VRK2: variants seen among roughly 807,000 people sequenced by gnomAD.
VRK2 encodes VRK serine/threonine kinase 2, also known as serine/threonine-protein kinase VRK2.
In VRK2, 60 loss-of-function variants were observed where a neutral mutation model predicts 57.6. The ratio of observed to expected loss-of-function variants is 1.04; its 90% CI spans 0.85 to 1.29. The LOEUF is 1.29. Among genes scored for constraint, VRK2 ranks in the 50% most tolerant of loss-of-function variants. The probability of loss-of-function intolerance (pLI) is 0.00; values close to 1 mark genes in which losing one functional copy is unlikely to be tolerated. For synonymous variants in VRK2, 231 were observed against 199.2 expected (o/e 1.16, Z -1.35); for missense variants, 705 against 588.1 (o/e 1.20, Z -2.06).
intron 1 of VRK2, among the ~76,000 whole-genome samples, chr2:57,955,273 G>T (rs1671546785): frequency 6.6e-6 from 1 of 151,976 alleles, no homozygotes; most frequent in Non-Finnish European, 1.5e-5. Context: ...TATTATAAGA[G>T]GTCTGTATAT....
chr2:57,932,849 C>CT (rs1407984726), intron 1 of VRK2, among the ~76,000 whole-genome samples: 1 of 152,106 alleles, frequency 6.6e-6, no homozygotes, highest in Non-Finnish European at 1.5e-5. Flanking sequence ...CTTAGCACTG[C>CT]TTTTGCTGCA....
intron 8 of VRK2, among the ~76,000 whole-genome samples, chr2:58,128,004 A>G (rs927239631): frequency 3.3e-5 from 5 of 152,182 alleles, no homozygotes; most frequent in Non-Finnish European, 7.3e-5. Context: ...TCGCTAAGAT[A>G]ACTTATCTGT....
intron 3 of VRK2, among the ~76,000 whole-genome samples, chr2:58,036,228 C>T (rs1203374867): frequency 6.6e-6 from 1 of 151,770 alleles, no homozygotes; most frequent in Non-Finnish European, 1.5e-5. Context: ...TATTGTATAT[C>T]CTTTTCCACC....
chr2:58,054,097 G>A (rs1210616471), intron 2 of VRK2, among the ~76,000 whole-genome samples: 2 of 152,042 alleles, frequency 1.3e-5, no homozygotes, highest in African/African-American at 4.8e-5. Flanking sequence ...TAAAGAGATA[G>A]CAGTACCCAG....
At chr2:58,046,108 G>A (rs138936427), upstream of VRK2, among the ~76,000 whole-genome samples, 151 of 152,296 alleles carry the variant, frequency 9.9e-4, no homozygotes, top group Non-Finnish European at 1.3e-3. Context: ...GCCTCCCAAC[G>A]TGCTGGGAGT....
intron 1 of VRK2, among the ~76,000 whole-genome samples, chr2:57,999,586 A>G (rs898402929): frequency 5.3e-5 from 8 of 152,170 alleles, no homozygotes; most frequent in Non-Finnish European, 2.9e-5. Flanking sequence ...AAATTTACAT[A>G]AATATAAAAA....
intron 1 of VRK2, among the ~76,000 whole-genome samples, chr2:57,929,435 AG>A (rs780783870): frequency 1.5e-3 from 221 of 152,240 alleles, no homozygotes; most frequent in Non-Finnish European, 2.7e-3. Context: ...CTCCAGGCCT[AG>A]GACCCTCCCT....
chr2:58,066,682 A>G (rs1668656467), intron 2 of VRK2, among the ~76,000 whole-genome samples: 1 of 152,202 alleles, frequency 6.6e-6, no homozygotes, highest in Non-Finnish European at 1.5e-5. Flanking sequence ...ATAGTTATAC[A>G]GTGAAGCTAA....
chr2:58,120,176 TTTC>T (rs1223018134), intron 7 of VRK2, among the ~76,000 whole-genome samples: 2 of 138,318 alleles, frequency 1.4e-5, no homozygotes, highest in Non-Finnish European at 3.0e-5. Flanking sequence ...TCTATTTTTT[TTTC>T]TTTTCTTTTT....
At chr2:58,147,744 A>C (rs535570467) in intron 12 of VRK2, among the ~76,000 whole-genome samples, 4 of 150,468 alleles carry the variant, frequency 2.7e-5, no homozygotes, top group African/African-American at 9.8e-5. Flanking sequence ...CTAGAATTTC[A>C]TAAACATGCA....
At chr2:58,089,938 A>C (rs910104440) in intron 7 of VRK2, among the ~76,000 whole-genome samples, 1 of 152,294 alleles carries the variant, frequency 6.6e-6, no homozygotes, top group Admixed American at 6.5e-5. Context: ...ATAATATGTT[A>C]ATGGGCACAC....
intron 11 of VRK2, 121 bp from the exon 12 acceptor site, chr2:58,146,195 C>G (rs1682095123): frequency 1.1e-6 from 1 of 871,660 alleles, no homozygotes; most frequent in Non-Finnish European, 1.6e-6. Context: ...CTGCTTTCCT[C>G]TTTATTTCCT....
At chr2:57,991,972 A>AAT (rs1440582752) in intron 1 of VRK2, among the ~76,000 whole-genome samples, 44 of 151,380 alleles carry the variant, frequency 2.9e-4, no homozygotes, top group Non-Finnish European at 5.5e-4. Flanking sequence ...AAAAAAAAAA[A>AAT]TTTGATTTGT....
At chr2:58,121,719 G>A (rs1191716390) in intron 7 of VRK2, among the ~76,000 whole-genome samples, 2 of 152,164 alleles carry the variant, frequency 1.3e-5, no homozygotes, top group Middle Eastern at 3.2e-3. Context: ...AGTGCAGATT[G>A]TATGGTAAAT....
chr2:58,093,977 A>T (rs896984175), intron 7 of VRK2, among the ~76,000 whole-genome samples: 1 of 152,020 alleles, frequency 6.6e-6, no homozygotes, highest in African/African-American at 2.4e-5. Context: ...ATGGTTGTAG[A>T]TGTGTGATAT....
intron 11 of VRK2, among the ~76,000 whole-genome samples, chr2:58,140,944 A>C (rs1391415581): frequency 6.6e-6 from 1 of 151,908 alleles, no homozygotes; most frequent in Non-Finnish European, 1.5e-5. Flanking sequence ...AGAATATGTA[A>C]TTTTTTCATG....
chr2:58,030,165 T>C (rs1674069201), intron 2 of VRK2, among the ~76,000 whole-genome samples: 1 of 152,128 alleles, frequency 6.6e-6, no homozygotes, highest in African/African-American at 2.4e-5. Flanking sequence ...ATCAGCTTGA[T>C]ACCAAGGTTT....
chr2:57,965,364 G>C (rs574342370), intron 1 of VRK2, among the ~76,000 whole-genome samples: 1 of 152,296 alleles, frequency 6.6e-6, no homozygotes, highest in African/African-American at 2.4e-5. Flanking sequence ...AGGTAAACAG[G>C]AATAGAAGGC....
intron 7 of VRK2, among the ~76,000 whole-genome samples, chr2:58,113,018 T>C (rs1239390934): frequency 1.3e-5 from 2 of 152,030 alleles, no homozygotes; most frequent in African/African-American, 4.8e-5. Flanking sequence ...TTTAAGACAA[T>C]TGCATTTCTA....
Sources: allele counts gnomAD v4.1 joint callset (sites outside exome capture counted in the v4.1 genomes callset), GRCh38; gene constraint gnomAD v4.1.1; transcripts MANE v1.5; gene names NCBI Gene and HGNC (gene_info 2026-07-23, HGNC 2026-07-21).